RANGAP1: variants seen among roughly 807,000 people sequenced by gnomAD.
The protein encoded by RANGAP1 is ran GTPase-activating protein 1.
In RANGAP1, 38 loss-of-function variants were observed where a neutral mutation model predicts 63.5. The observed-to-expected ratio is 0.60, with a 90% CI of 0.46 to 0.78. RANGAP1 has a LOEUF of 0.78. Among genes scored for constraint, RANGAP1 ranks in the 30% least tolerant of loss-of-function variants. The pLI is 0.00. For synonymous variants in RANGAP1, 329 were observed against 310.5 expected, an observed-to-expected ratio of 1.06 and a Z score of -0.63; for missense variants, 630 against 740.3, an observed-to-expected ratio of 0.85 and a Z score of 1.73.
the RANGAP1 span, among the ~76,000 whole-genome samples, chr22:41,297,293 CT>C: frequency 0.056 from 8,538 of 152,220 alleles, 797 homozygotes; most frequent in African/African-American, 0.2. Context: ...GGAGAGTCAG[CT>C]TTTTTGTTCT....
At chr22:41,280,773 C>T (rs1422513874) in intron 2 of RANGAP1, 160 bp downstream of exon 2, 1 of 1,527,888 alleles carries the variant, frequency 6.5e-7, no homozygotes, top group South Asian at 1.2e-5. Flanking sequence ...GGCAAATGAT[C>T]TCTGAGCCTC....
At chr22:41,293,317 G>T in the RANGAP1 span, among the ~76,000 whole-genome samples, 1 of 150,592 alleles carries the variant, frequency 6.6e-6, no homozygotes, top group South Asian at 2.1e-4. Context: ...GAGACTGACG[G>T]GGTAGGATTG....
At chr22:41,299,669 A>G in the RANGAP1 span, among the ~76,000 whole-genome samples, 4 of 152,188 alleles carry the variant, frequency 2.6e-5, no homozygotes, top group Admixed American at 1.3e-4. Context: ...TAACATGGGG[A>G]CATAGAGCAC....
chr22:41,253,266 G>A lies in RANGAP1; in HGVS notation c.1261-275C>T, dbSNP rs754093235. Among the ~76,000 whole-genome samples the A allele has an allele frequency of 1.6e-4, 24 of 152,136 alleles. 1 individual carries two copies. Among genetic ancestry groups the A allele is most frequent in the South Asian group, 4.1e-4 (2 of 4,830 alleles). The stretch of plus-strand genomic sequence containing the variant: ...ACCTGCTACGGCCAAGTGGATCCTC[G>A]TCATGACATGCAGTGCCCCAGAAAT... On this transcript the variant is annotated intron_variant, in intron 11 of 15. Coordinates refer to ENST00000356244, the MANE Select transcript of RANGAP1 (RefSeq NM_002883.4).
chr22:41,266,528 G>A (rs919576313), intron 4 of RANGAP1, among the ~76,000 whole-genome samples: 4 of 152,170 alleles, frequency 2.6e-5, no homozygotes, highest in African/African-American at 9.7e-5. Context: ...CATCTTTTCT[G>A]ACTTGAAATT....
At chr22:41,299,268 G>A in the RANGAP1 span, among the ~76,000 whole-genome samples, 5 of 152,078 alleles carry the variant, frequency 3.3e-5, no homozygotes, top group Non-Finnish European at 2.9e-5. Context: ...GAGTAGCTGG[G>A]ACTACAGGCG....
At chr22:41,281,939 A>G (rs987972929) in intron 1 of RANGAP1, 4 of 152,246 alleles carry the variant, frequency 2.6e-5, no homozygotes, top group African/African-American at 9.7e-5. Context: ...TCTGGGCAAC[A>G]TGGCAAAATC....
chr22:41,254,428 CTCCTCTTCTTCTGCT>C lies in RANGAP1; in HGVS notation c.1125_1139del (p.Ala376_Glu380del), dbSNP rs759784247. On this transcript the variant is annotated inframe_deletion, in exon 11 of 16. Coordinates refer to ENST00000356244, the MANE Select transcript of RANGAP1 (RefSeq NM_002883.4). ...CTTCCTCCTCTTCCTCATCTTCCTC[CTCCTCTTCTTCTGCT>C]TCCTCTTCTTCCTCTTCTCCTTCCT... 13 of 1,612,576 alleles carry C rather than the reference CTCCTCTTCTTCTGCT, an allele frequency of 8.1e-6. No homozygotes were observed. The highest frequency in any genetic ancestry group is 7.7e-5 in the South Asian group (7 of 90,912).
rs993230119 is a variant in RANGAP1, at chr22:41,246,391, C to T, written c.*212G>A. On this transcript the variant is annotated 3_prime_UTR_variant, in exon 16 of 16. Transcript: ENST00000356244. ...AGAGCAGGGCTGGGCCAGCAGAAGA[C>T]GTTAAAACCCAAATCCCGACAGGAG... The T allele has an allele frequency of 2.6e-5, 14 of 533,926 alleles. No homozygotes were observed. The highest frequency in any genetic ancestry group is 1.2e-4 in the African/African-American group (6 of 52,042). 33.1% of individuals were successfully genotyped at this position (533,926 alleles called of 1,614,324 possible).
At chr22:41,290,229 CTTTTTTTT>C (rs11336113), upstream of RANGAP1, among the ~76,000 whole-genome samples, 1 of 108,298 alleles carries the variant, frequency 9.2e-6, no homozygotes, top group Non-Finnish European at 1.9e-5. Flanking sequence ...ATTATTATTA[CTTTTTTTT>C]TTTTTTTTTT....
chr22:41,294,314 G>A, the RANGAP1 span, among the ~76,000 whole-genome samples: 7 of 152,196 alleles, frequency 4.6e-5, no homozygotes, highest in African/African-American at 1.7e-4. Flanking sequence ...TCGGCCTCCC[G>A]AGGTGCCGGG....
chr22:41,300,308 A>G, the RANGAP1 span, among the ~76,000 whole-genome samples: 1 of 151,668 alleles, frequency 6.6e-6, no homozygotes, highest in African/African-American at 2.4e-5. Flanking sequence ...GGCAAAATGC[A>G]GCAATCCAAC....
At chr22:41,258,137 C>T (rs1336106988) in intron 6 of RANGAP1, 31 bp from the exon 7 acceptor site, 1 of 1,560,092 alleles carries the variant, frequency 6.4e-7, no homozygotes. Context: ...GTGGAGGGGG[C>T]CCCGAGTGCC....
At chr22:41,271,887 C>T (rs1189673721) in intron 3 of RANGAP1, among the ~76,000 whole-genome samples, 2 of 152,194 alleles carry the variant, frequency 1.3e-5, no homozygotes, top group Non-Finnish European at 2.9e-5. Context: ...GCAGATCCCA[C>T]CCTGCCCCTG....
At chr22:41,267,998 C>A (rs1384368568) in intron 4 of RANGAP1, 99 bp downstream of exon 4, 3 of 1,287,538 alleles carry the variant, frequency 2.3e-6, no homozygotes, top group Non-Finnish European at 3.3e-6. Flanking sequence ...ACCCACAGGG[C>A]TAATCTTAGG....
intron 3 of RANGAP1, among the ~76,000 whole-genome samples, chr22:41,271,956 G>A (rs1162942403): frequency 6.6e-6 from 1 of 152,140 alleles, no homozygotes; most frequent in Non-Finnish European, 1.5e-5. Flanking sequence ...TGATTCACTC[G>A]AGCCACTGCA....
rs574193992 is a variant in RANGAP1 at position 41,255,264 on chromosome 22, G to A, written c.1073+757C>T. 2.0e-5 allele frequency among the ~76,000 whole-genome samples: 3 copies of A among 152,246 alleles called. 1 individual carries two copies. In the South Asian group the frequency reaches 6.2e-4, roughly 32 times the overall value. ...GGACCTGTGAGGTTCAGCCCACCTC[G>A]GAGTCCCCAGTTCCTAGCCTCAGCT... On this transcript the variant is annotated intron_variant, in intron 10 of 15. Transcript: ENST00000356244.
At chr22:41,259,744 TATA>T (rs561254678) in intron 6 of RANGAP1, among the ~76,000 whole-genome samples, 1 of 152,256 alleles carries the variant, frequency 6.6e-6, no homozygotes, top group Non-Finnish European at 1.5e-5. Context: ...GGCTTATGCC[TATA>T]ATCCCAGCAC....
upstream of RANGAP1, among the ~76,000 whole-genome samples, chr22:41,290,869 C>G (rs2035830666): frequency 6.6e-6 from 1 of 152,202 alleles, no homozygotes; most frequent in Non-Finnish European, 1.5e-5. Context: ...GTATGCCAGA[C>G]ATGTGAGGAA....
Sources: gnomAD v4.1 joint callset for allele counts (sites outside exome capture counted in the v4.1 genomes callset) on GRCh38, gnomAD v4.1.1 for gene constraint, MANE v1.5 for transcripts, NCBI Gene and HGNC (gene_info 2026-07-23, HGNC 2026-07-21) for gene names.